ADCY1: variants seen among roughly 807,000 people sequenced by gnomAD.
The protein encoded by ADCY1 is adenylate cyclase 1, also known as adenylate cyclase type 1.
ADCY1 carries 28 observed loss-of-function variants against 105.4 expected under a neutral mutation model. The observed-to-expected ratio is 0.27, with a 90% CI of 0.20 to 0.36. The LOEUF (loss-of-function observed/expected upper bound fraction) is 0.36, where lower values mean the gene tolerates loss of function less well. ADCY1 is among the 10% of genes least tolerant of loss of function. ADCY1 has a pLI of 1.00. For missense variants in ADCY1, 977 were observed against 1,434.2 expected, an observed-to-expected ratio of 0.68 and a Z score of 5.15; for synonymous variants, 655 against 623.8, an observed-to-expected ratio of 1.05 and a Z score of -0.75.
chr7:45,708,230 T>C lies in ADCY1; in HGVS notation c.2818-120T>C. 3.0e-6 allele frequency: 2 copies of C among 662,366 alleles called. No homozygotes were observed. Among genetic ancestry groups the C allele is most frequent in the Non-Finnish European group, 5.5e-6 (2 of 363,496 alleles). The allele number at this position is 662,366 out of a possible 1,614,324, so 41.0% of individuals were successfully genotyped here. A position where few individuals can be genotyped will look rare whatever the true frequency, so the allele number is the denominator to read the frequency against. The stretch of plus-strand genomic sequence containing the variant: ...TAGAATGGAATGATAAATGTGCCTA[T>C]AGCCAGGCACTCAGAGTGCCTTCCT... On this transcript the variant is annotated intron_variant, in intron 17 of 19. Coordinates refer to ENST00000297323, the MANE Select transcript of ADCY1 (RefSeq NM_021116.4). This position sits in a 1 kb window ranked among gnomAD's most constrained non-coding sequence, Gnocchi z 4.7.
intron 2 of ADCY1, among the ~76,000 whole-genome samples, chr7:45,610,042 G>T (rs772749525): frequency 3.4e-4 from 52 of 152,208 alleles, no homozygotes; most frequent in Non-Finnish European, 5.7e-4. Flanking sequence ...TATTGTTGGA[G>T]CAGTAGGGGG....
chr7:45,610,236 G>T (rs1190277951), intron 2 of ADCY1, 143 bp from the exon 3 acceptor site: 14 of 680,496 alleles, frequency 2.1e-5, no homozygotes, highest in African/African-American at 3.6e-5. Context: ...CCTGGAGGGA[G>T]TTGCTTGTTC....
chr7:45,712,082 AAT>A (rs1476564339), intron 19 of ADCY1, among the ~76,000 whole-genome samples: 1 of 131,798 alleles, frequency 7.6e-6, no homozygotes, highest in Non-Finnish European at 1.6e-5. Context: ...TATTATATTA[AAT>A]ATATAATATA....
intron 2 of ADCY1, among the ~76,000 whole-genome samples, chr7:45,596,828 G>C (rs985302422): frequency 6.6e-6 from 1 of 152,198 alleles, no homozygotes; most frequent in African/African-American, 2.4e-5. Flanking sequence ...TCACAGAGGG[G>C]AGCTCCTGAG....
At chr7:45,700,412 C>T (rs1369245082) in intron 14 of ADCY1, among the ~76,000 whole-genome samples, 2 of 152,194 alleles carry the variant, frequency 1.3e-5, no homozygotes, top group Admixed American at 1.3e-4. Flanking sequence ...AAGTTAGAGA[C>T]TAAGTTCCTC....
chr7:45,692,622 T>C (rs1402352976), intron 14 of ADCY1, among the ~76,000 whole-genome samples: 1 of 152,186 alleles, frequency 6.6e-6, no homozygotes, highest in African/African-American at 2.4e-5. Flanking sequence ...TTTTAAAAAA[T>C]CAGTTCATAA....
intron 8 of ADCY1, among the ~76,000 whole-genome samples, chr7:45,673,406 A>G (rs1483157790): frequency 6.6e-6 from 1 of 152,196 alleles, no homozygotes; most frequent in South Asian, 2.1e-4. Flanking sequence ...CCATCTGGGC[A>G]TGGAGTTTAC....
intron 14 of ADCY1, among the ~76,000 whole-genome samples, chr7:45,688,058 T>C (rs576525192): frequency 1.8e-4 from 28 of 152,320 alleles, no homozygotes; most frequent in Non-Finnish European, 3.8e-4. Context: ...CAATTTTTTG[T>C]CTTTGTTCCT....
At chr7:45,653,991 CTTAA>C (rs1794877388) in intron 5 of ADCY1, among the ~76,000 whole-genome samples, 1 of 152,190 alleles carries the variant, frequency 6.6e-6, no homozygotes, top group Non-Finnish European at 1.5e-5. Flanking sequence ...TCCTCGAGTC[CTTAA>C]TTTTCTTTGC....
chr7:45,703,735 G>A lies in ADCY1; in HGVS notation c.2707G>A (p.Asp903Asn), dbSNP rs1481166860. The A allele has an allele frequency of 6.3e-7, 1 of 1,582,614 alleles. No individual in the cohort carries two copies. Among genetic ancestry groups the A allele is most frequent in the African/African-American group, 1.3e-5 (1 of 74,500 alleles). The change falls in exon 16 of 20, where the codon GAC becomes AAC. Residue 903 changes from aspartate to asparagine, a missense_variant. By Grantham distance (23) the Asp-to-Asn change is conservative (BLOSUM62 1). Coordinates refer to ENST00000297323, the MANE Select transcript of ADCY1 (RefSeq NM_021116.4). This position sits in a 1 kb window ranked among gnomAD's most constrained non-coding sequence, Gnocchi z 5.9. Reference protein sequence around the residue: ...CLRLLNEIIADFDELMEKDFY... With the variant: ...CLRLLNEIIANFDELMEKDFY... ...GCGGCTTCTCAACGAGATCATCGCC[G>A]ACTTTGACGAGGTGAGGCTGTGCGT...
At chr7:45,634,899 A>G (rs1292544024) in intron 4 of ADCY1, among the ~76,000 whole-genome samples, 1 of 152,190 alleles carries the variant, frequency 6.6e-6, no homozygotes, top group African/African-American at 2.4e-5. Context: ...TTACTTAAAG[A>G]TATTAGTCTG....
At chr7:45,696,750 A>T (rs912613811) in intron 14 of ADCY1, among the ~76,000 whole-genome samples, 2 of 151,602 alleles carry the variant, frequency 1.3e-5, no homozygotes, top group Non-Finnish European at 2.9e-5. Flanking sequence ...TTCTCCCTAG[A>T]CTCTCCTGCA....
At chr7:45,622,184 G>A (rs1313510886) in intron 3 of ADCY1, among the ~76,000 whole-genome samples, 1 of 152,112 alleles carries the variant, frequency 6.6e-6, no homozygotes, top group Non-Finnish European at 1.5e-5. Context: ...CCACACTCAG[G>A]GCCTGGGAGT....
chr7:45,684,927 G>A lies in ADCY1; in HGVS notation c.1984-52G>A, dbSNP rs376478454. ...TATAGGAAGTATTAACTGTGCACGT[G>A]AATCACCTTGGTAATCAGAGGGTAT... On this transcript the variant is annotated intron_variant, in intron 11 of 19. Transcript: ENST00000297323. 108 of 1,524,400 alleles carry A rather than the reference G, an allele frequency of 7.1e-5. 1 individual carries two copies. In the African/African-American group the frequency reaches 1.4e-3, roughly 20 times the overall value. 94.4% of individuals were successfully genotyped at this position (1,524,400 alleles called of 1,614,324 possible).
intron 17 of ADCY1, 61 bp downstream of exon 17, chr7:45,704,677 C>T: frequency 3.7e-6 from 5 of 1,354,710 alleles, no homozygotes; most frequent in Non-Finnish European, 2.1e-6. Flanking sequence ...CTAAACTGCT[C>T]TGGGACCCTG....
At chr7:45,696,734 C>T (rs978680906) in intron 14 of ADCY1, among the ~76,000 whole-genome samples, 2 of 152,100 alleles carry the variant, frequency 1.3e-5, no homozygotes, top group Non-Finnish European at 2.9e-5. Context: ...GCTCTGAGGC[C>T]TATGCTTCTC....
At chr7:45,702,170 AT>A (rs1225442395) in intron 14 of ADCY1, among the ~76,000 whole-genome samples, 1 of 152,194 alleles carries the variant, frequency 6.6e-6, no homozygotes, top group Non-Finnish European at 1.5e-5. Flanking sequence ...CTAGCGGCAT[AT>A]TCGTGGCCAG....
At chr7:45,693,881 C>T (rs1431452301) in intron 14 of ADCY1, among the ~76,000 whole-genome samples, 19 of 130,928 alleles carry the variant, frequency 1.5e-4, no homozygotes, top group Admixed American at 5.7e-4. Flanking sequence ...AACCAAACAC[C>T]GCATATTCTC....
At chr7:45,666,972 GTTGT>G (rs1430363952) in intron 8 of ADCY1, among the ~76,000 whole-genome samples, 12 of 152,176 alleles carry the variant, frequency 7.9e-5, no homozygotes, top group African/African-American at 2.9e-4. Context: ...TTTTGTTGGG[GTTGT>G]TTGATTTTTT....
Sources: allele counts gnomAD v4.1 joint callset (sites outside exome capture counted in the v4.1 genomes callset), GRCh38; gene constraint gnomAD v4.1.1; non-coding constraint Gnocchi (gnomAD v3.1); transcripts MANE v1.5; gene names NCBI Gene and HGNC (gene_info 2026-07-23, HGNC 2026-07-21).